Variants in HSP90AA1 observed in about 807,000 individuals in gnomAD.
HSP90AA1 encodes heat shock protein HSP 90-alpha.
A neutral mutation model predicts 73.3 loss-of-function variants in HSP90AA1; 18 were observed. The ratio of observed to expected loss-of-function variants is 0.25; its 90% CI spans 0.17 to 0.36. HSP90AA1 has a LOEUF of 0.36. Ranked by LOEUF, HSP90AA1 falls within the 10% of genes least tolerant of loss-of-function variation. HSP90AA1 has a pLI of 1.00. For missense variants in HSP90AA1, 704 were observed against 874.2 expected (o/e 0.81, Z 2.45); for synonymous variants, 477 against 296.9 (o/e 1.61, Z -6.24).
intron 1 of HSP90AA1, among the ~76,000 whole-genome samples, chr14:102,130,557 A>T (rs558152298): frequency 6.6e-6 from 1 of 152,048 alleles, no homozygotes; most frequent in South Asian, 2.1e-4. Context: ...GAATCTTTTC[A>T]CGTGCTCCCT....
upstream of HSP90AA1, among the ~76,000 whole-genome samples, chr14:102,087,979 C>G (rs1392026105): frequency 8.6e-6 from 1 of 116,020 alleles, no homozygotes; most frequent in African/African-American, 3.4e-5. Context: ...CAGGCTCTCG[C>G]TTTGTCGCCC....
At position 102,083,605 on chromosome 14, in the gene HSP90AA1, G is replaced by A. The variant is rs985794905; in HGVS notation, c.1427C>T (p.Ser476Phe). The A allele has an allele frequency of 6.2e-7, 1 of 1,613,090 alleles. No homozygotes were observed. The highest frequency in any genetic ancestry group is 8.5e-7 in the Non-Finnish European group (1 of 1,179,206). Reference sequence around the variant, plus strand: ...CATTCTGGTGCAGTAGTCCTTGAGAGAAACCATCTCATCACCAGAGGCAGA... The same window carrying A: ...CATTCTGGTGCAGTAGTCCTTGAGAAAAACCATCTCATCACCAGAGGCAGA... ...YTSASGDEMV[S>F]LKDYCTRMKE... is the part of the protein sequence containing the mutation. The change falls in exon 8 of 11, where the codon TCT (serine) becomes TTT (phenylalanine). Residue 476 changes from serine to phenylalanine, a missense_variant. Coordinates refer to ENST00000216281, the MANE Select transcript of HSP90AA1 (RefSeq NM_005348.4).
chr14:102,083,823 T>C lies in HSP90AA1; in HGVS notation c.1308A>G (p.Lys436=), dbSNP rs918811358. The change falls in exon 7 of 11, where the codon AAA becomes AAG. Residue 436 remains lysine (K), a synonymous_variant. Coordinates refer to ENST00000216281, the MANE Select transcript of HSP90AA1 (RefSeq NM_005348.4). ...TGTTTTTAGAGAACTGCTCATAGAA[T>C]TTCTTGTAGTTCTCTTTATCTTCCG... ...ELAEDKENYK[K]FYEQFSKNIK... 2 of 1,613,590 alleles carry C rather than the reference T, an allele frequency of 1.2e-6. No homozygotes were observed. Among genetic ancestry groups the C allele is most frequent in the African/African-American group, 1.3e-5 (1 of 74,870 alleles).
At chr14:102,086,477 A>C in intron 1 of HSP90AA1, 99 bp from the exon 2 acceptor site, 3 of 1,376,902 alleles carry the variant, frequency 2.2e-6, no homozygotes, top group Non-Finnish European at 3.1e-6. Context: ...GCCGAATTGG[A>C]GATTTGCGAA....
intron 1 of HSP90AA1, among the ~76,000 whole-genome samples, chr14:102,134,107 C>T (rs1374936908): frequency 5.3e-5 from 8 of 150,328 alleles, no homozygotes; most frequent in African/African-American, 7.4e-5. Flanking sequence ...GCCGAGATTA[C>T]GCCACTGCAC....
chr14:102,084,041 G>A, intron 6 of HSP90AA1, 58 bp from the exon 7 acceptor site: 2 of 1,254,088 alleles, frequency 1.6e-6, no homozygotes, highest in South Asian at 1.2e-5. Flanking sequence ...CTGGTACTAT[G>A]TAAACTCCCA....
chr14:102,091,680 A>G (rs1232453660), upstream of HSP90AA1, among the ~76,000 whole-genome samples: 8 of 151,436 alleles, frequency 5.3e-5, no homozygotes, highest in Non-Finnish European at 8.8e-5. Context: ...AGGCTGGAGC[A>G]CAGTGGCACA....
chr14:102,104,885 C>T (rs889520803), intron 1 of HSP90AA1, among the ~76,000 whole-genome samples: 2 of 151,758 alleles, frequency 1.3e-5, no homozygotes, highest in Non-Finnish European at 2.9e-5. Context: ...CCCATCTATC[C>T]ATGTTGCCGC....
At chr14:102,087,542 G>A (rs972909151), upstream of HSP90AA1, among the ~76,000 whole-genome samples, 3 of 152,044 alleles carry the variant, frequency 2.0e-5, no homozygotes, top group Admixed American at 1.3e-4. Context: ...TCACGCGCCC[G>A]GGAGACTTCC....
At chr14:102,136,867 G>C (rs1166933536) in intron 1 of HSP90AA1, among the ~76,000 whole-genome samples, 3 of 147,094 alleles carry the variant, frequency 2.0e-5, no homozygotes, top group African/African-American at 7.6e-5. Context: ...AAGCCTGGGG[G>C]ACAAGAGCGA....
chr14:102,123,487 T>C (rs867485373), intron 1 of HSP90AA1, among the ~76,000 whole-genome samples: 3 of 152,038 alleles, frequency 2.0e-5, no homozygotes, highest in Non-Finnish European at 4.4e-5. Flanking sequence ...AATTATTTTG[T>C]TTCTTCAGAA....
rs1324800159 is a variant in HSP90AA1, at chr14:102,080,833, T to C, written c.*879A>G. ...ACACTAAGAGAACACATGTAACTCA[T>C]GGACGCAGGGGATGCATGTTGTCTG... On this transcript the variant is annotated 3_prime_UTR_variant, in exon 11 of 11. Coordinates refer to ENST00000216281, the MANE Select transcript of HSP90AA1 (RefSeq NM_005348.4). 6 of 227,202 alleles carry C rather than the reference T, an allele frequency of 2.6e-5. No individual in the cohort carries two copies. Among genetic ancestry groups the C allele is most frequent in the African/African-American group, 6.7e-5 (3 of 45,016 alleles). 14.1% of individuals were successfully genotyped at this position (227,202 alleles called of 1,614,324 possible). A position where few individuals can be genotyped will look rare whatever the true frequency, so the allele number is the denominator to read the frequency against.
chr14:102,084,020 C>G, intron 6 of HSP90AA1, 37 bp from the exon 7 acceptor site: 1 of 1,503,624 alleles, frequency 6.7e-7, no homozygotes, highest in Non-Finnish European at 9.3e-7. Context: ...TGAGTCATTC[C>G]AAGGACAAAA....
intron 1 of HSP90AA1, among the ~76,000 whole-genome samples, chr14:102,123,530 C>T (rs34918818): frequency 0.92 from 139,055 of 151,626 alleles, 63,821 homozygotes; most frequent in East Asian, 1. Context: ...TTTCTAAAAC[C>T]TTGTGGTTTT....
At chr14:102,085,669 G>T in intron 3 of HSP90AA1, 89 bp downstream of exon 3, 1 of 1,580,778 alleles carries the variant, frequency 6.3e-7, no homozygotes, top group Non-Finnish European at 8.7e-7. Flanking sequence ...CACAAATTCT[G>T]TAAGCTTCAC....
At chr14:102,102,236 G>T (rs981225099) in intron 1 of HSP90AA1, 3 of 720,308 alleles carry the variant, frequency 4.2e-6, no homozygotes, top group Non-Finnish European at 7.4e-6. Context: ...TATGTGATAT[G>T]TTCTCTTCCT....
At chr14:102,081,949 G>C in intron 10 of HSP90AA1, 128 bp from the exon 11 acceptor site, 1 of 771,460 alleles carries the variant, frequency 1.3e-6, no homozygotes, top group East Asian at 2.5e-5. Flanking sequence ...TCATTTCTTT[G>C]CTCTTGTAAG....
intron 1 of HSP90AA1, among the ~76,000 whole-genome samples, chr14:102,108,188 G>A (rs1265846806): frequency 6.6e-6 from 1 of 150,692 alleles, no homozygotes; most frequent in Non-Finnish European, 1.5e-5. Context: ...GCTTGAAACT[G>A]GGAGGTTGAG....
intron 4 of HSP90AA1, 119 bp downstream of exon 4, chr14:102,085,179 T>TAG: frequency 7.0e-7 from 1 of 1,420,954 alleles, no homozygotes; most frequent in East Asian, 2.3e-5. Context: ...AGTTAGGTAG[T>TAG]AGAGCTTAGG....
Sources: gnomAD v4.1 joint callset for allele counts (sites outside exome capture counted in the v4.1 genomes callset) on GRCh38, gnomAD v4.1.1 for gene constraint, MANE v1.5 for transcripts, NCBI Gene and HGNC (gene_info 2026-07-23, HGNC 2026-07-21) for gene names.